The following MTNR1A variants were observed in gnomAD, a reference collection of about 807,000 sequenced individuals.
The protein encoded by MTNR1A is melatonin receptor type 1A.
MTNR1A carries 7 observed loss-of-function variants against 5.5 expected under a neutral mutation model. The ratio of observed to expected loss-of-function variants is 1.28; its 90% CI spans 0.73 to 2.40. MTNR1A has a LOEUF of 2.40. Among genes scored for constraint, MTNR1A ranks in the 30% most tolerant of loss-of-function variants. The probability of loss-of-function intolerance (pLI) is 0.00; values close to 1 mark genes in which losing one functional copy is unlikely to be tolerated. For synonymous variants in MTNR1A, 196 were observed against 202.7 expected (o/e 0.97, Z 0.28); for missense variants, 441 against 464.4 (o/e 0.95, Z 0.46).
chr4:186,541,376 T>A (rs1217879440), intron 1 of MTNR1A, among the ~76,000 whole-genome samples: 2 of 151,980 alleles, frequency 1.3e-5, no homozygotes, highest in Non-Finnish European at 2.9e-5. Flanking sequence ...TGGCTAATGG[T>A]CAGCTAGACC....
At chr4:186,548,808 AAG>A (rs1560898018) in intron 1 of MTNR1A, among the ~76,000 whole-genome samples, 7 of 48,328 alleles carry the variant, frequency 1.4e-4, no homozygotes, top group African/African-American at 4.4e-4. Context: ...TTAATCTATA[AAG>A]ATATATATAT....
intron 1 of MTNR1A, among the ~76,000 whole-genome samples, chr4:186,548,692 C>T (rs1737204769): frequency 6.6e-6 from 1 of 151,158 alleles, no homozygotes; most frequent in Non-Finnish European, 1.5e-5. Context: ...TGGCAAAGCC[C>T]GGGTTTTACT....
chr4:186,549,124 G>T (rs1399664612), intron 1 of MTNR1A, among the ~76,000 whole-genome samples: 1 of 151,856 alleles, frequency 6.6e-6, no homozygotes, highest in Non-Finnish European at 1.5e-5. Context: ...CGTGTCCTAA[G>T]CTCCTATAGA....
chr4:186,548,240 A>G (rs1489510463), intron 1 of MTNR1A, among the ~76,000 whole-genome samples: 1 of 152,316 alleles, frequency 6.6e-6, no homozygotes, highest in South Asian at 2.1e-4. Context: ...TAATAACTCT[A>G]AATTGCTAAA....
intron 1 of MTNR1A, among the ~76,000 whole-genome samples, chr4:186,538,322 C>A (rs565008058): frequency 2.6e-5 from 4 of 152,206 alleles, no homozygotes; most frequent in Non-Finnish European, 5.9e-5. Flanking sequence ...TTCCTTGCAC[C>A]GCTCCGGGTT....
Position 186,555,047 on chromosome 4 carries a change from T to C in MTNR1A, c.184+135A>G. ...TTTCAACGGGCAGGCTGGAGAAGAG[T>C]CCTCTCTAACAGGAAAAATAACTCC... On this transcript the variant is annotated intron_variant, in intron 1 of 1. Transcript: ENST00000307161. The surrounding 1 kb of genome is among the most constrained non-coding windows in gnomAD (Gnocchi z 4.1). 9.8e-7 allele frequency: 1 copy of C among 1,018,824 alleles called. No homozygotes were observed. The highest frequency in any genetic ancestry group is 1.6e-5 in the African/African-American group (1 of 62,026). The allele number at this position is 1,018,824 out of a possible 1,614,324, so 63.1% of individuals were successfully genotyped here. A position where few individuals can be genotyped will look rare whatever the true frequency, so the allele number is the denominator to read the frequency against.
chr4:186,535,729 G>C (rs1736833662), intron 1 of MTNR1A, among the ~76,000 whole-genome samples: 1 of 152,110 alleles, frequency 6.6e-6, no homozygotes. Flanking sequence ...CAAATATTAT[G>C]AGATGTTCTG....
intron 1 of MTNR1A, among the ~76,000 whole-genome samples, chr4:186,552,345 T>C (rs1472364658): frequency 6.6e-6 from 1 of 152,216 alleles, no homozygotes; most frequent in Admixed American, 6.5e-5. Context: ...CCGCTGTAGG[T>C]GAGAGCCTGT....
chr4:186,535,371 A>G (rs1736821941), intron 1 of MTNR1A, among the ~76,000 whole-genome samples: 1 of 150,712 alleles, frequency 6.6e-6, no homozygotes, highest in Non-Finnish European at 1.5e-5. Flanking sequence ...TTAATATAAC[A>G]ACACATATTT....
In MTNR1A at chr4:186,534,626, A is replaced by T. The variant is rs962346181; in HGVS notation, c.185-69T>A. The T allele has an allele frequency of 1.8e-5, 28 of 1,564,058 alleles. No homozygotes were observed. The African/African-American group carries it at 3.0e-4, about 17-fold the overall frequency. On this transcript the variant is annotated intron_variant, in intron 1 of 1. Coordinates refer to ENST00000307161, the MANE Select transcript of MTNR1A (RefSeq NM_005958.4). ...AGTGGGTTTTCTGTTACAATTGTTA[A>T]AGAAGGAGCTGCTTCTGCAGCTCCG...
At position 186,542,176 on chromosome 4, in the gene MTNR1A, G is replaced by A. The variant is rs118000092; in HGVS notation, c.185-7619C>T. The stretch of plus-strand genomic sequence containing the variant: ...TGCCAAGAGTGGAGATAACACCAGC[G>A]GAGCACCATTCCCTGGGAAAATCAG... On this transcript the variant is annotated intron_variant, in intron 1 of 1. Coordinates refer to ENST00000307161, the MANE Select transcript of MTNR1A (RefSeq NM_005958.4). 3.9e-4 allele frequency among the ~76,000 whole-genome samples: 59 copies of A among 152,278 alleles called. 1 individual carries two copies. In the East Asian group the frequency reaches 9.3e-3, roughly 24 times the overall value.
intron 1 of MTNR1A, among the ~76,000 whole-genome samples, chr4:186,539,837 A>G (rs1736968222): frequency 6.6e-6 from 1 of 152,212 alleles, no homozygotes. Flanking sequence ...TGGGGCTTGA[A>G]TTGTTTATAG....
At chr4:186,550,229 T>C (rs1373318974) in intron 1 of MTNR1A, among the ~76,000 whole-genome samples, 8 of 152,194 alleles carry the variant, frequency 5.3e-5, no homozygotes, top group Non-Finnish European at 1.2e-4. Context: ...ATCATCTTCA[T>C]GAAGAGGCAG....
chr4:186,553,201 T>C (rs1342726864), intron 1 of MTNR1A, among the ~76,000 whole-genome samples: 2 of 152,232 alleles, frequency 1.3e-5, no homozygotes, highest in Non-Finnish European at 2.9e-5. Context: ...ATCAAAACTT[T>C]TAATAAGCAT....
intron 1 of MTNR1A, among the ~76,000 whole-genome samples, chr4:186,540,072 C>A (rs1261091419): frequency 6.6e-6 from 1 of 152,178 alleles, no homozygotes; most frequent in Non-Finnish European, 1.5e-5. Flanking sequence ...ACGTGGATGG[C>A]AGCAGGCAAA....
In MTNR1A at chr4:186,555,380, T is replaced by C; in HGVS notation, c.-15A>G. The C allele has an allele frequency of 7.1e-7, 1 of 1,416,820 alleles. No individual in the cohort carries two copies. The highest frequency in any genetic ancestry group is 9.2e-7 in the Non-Finnish European group (1 of 1,082,904). 87.8% of individuals were successfully genotyped at this position (1,416,820 alleles called of 1,614,324 possible). On this transcript the variant is annotated 5_prime_UTR_variant, in exon 1 of 2. Transcript: ENST00000307161. This position sits in a 1 kb window ranked among gnomAD's most constrained non-coding sequence, Gnocchi z 4.1. ...TTGCCCTGCATGGTCCCTGTGCGCG[T>C]CCCGGCCGCGGGGCCATCGCCCGCC...
At chr4:186,534,667 A>G (rs1736804638) in intron 1 of MTNR1A, 110 bp from the exon 2 acceptor site, 3 of 1,358,246 alleles carry the variant, frequency 2.2e-6, no homozygotes, top group Admixed American at 3.8e-5. Flanking sequence ...CTGACGTCAC[A>G]GCGGCGGCCG....
At chr4:186,534,692 T>A in intron 1 of MTNR1A, 135 bp from the exon 2 acceptor site, 1 of 980,112 alleles carries the variant, frequency 1.0e-6, no homozygotes, top group Non-Finnish European at 1.5e-6. Flanking sequence ...GCAAATGAAG[T>A]GGAGGCCGTT....
At chr4:186,543,513 A>G (rs1737074876) in intron 1 of MTNR1A, among the ~76,000 whole-genome samples, 1 of 152,156 alleles carries the variant, frequency 6.6e-6, no homozygotes, top group Non-Finnish European at 1.5e-5. Flanking sequence ...AATTATGAGT[A>G]TTTCCTGCTT....
Sources: gnomAD v4.1 joint callset for allele counts (sites outside exome capture counted in the v4.1 genomes callset) on GRCh38, gnomAD v4.1.1 for gene constraint, Gnocchi (gnomAD v3.1) non-coding constraint, MANE v1.5 for transcripts, NCBI Gene and HGNC (gene_info 2026-07-23, HGNC 2026-07-21) for gene names.